Variants in RPS6KA2 observed in about 807,000 individuals in gnomAD.
RPS6KA2 encodes the protein ribosomal protein S6 kinase A2, also known as ribosomal protein S6 kinase alpha-2.
A neutral mutation model predicts 91.8 loss-of-function variants in RPS6KA2; 42 were observed. The ratio of observed to expected loss-of-function variants is 0.46; its 90% CI spans 0.36 to 0.59. RPS6KA2 has a LOEUF of 0.59. RPS6KA2 is among the 20% of genes least tolerant of loss of function. The pLI is 0.00. For missense variants in RPS6KA2, 798 were observed against 978.5 expected (o/e 0.82, Z 2.46); for synonymous variants, 414 against 393.6 (o/e 1.05, Z -0.61).
At chr6:166,661,171 G>A (rs562527811) in intron 2 of RPS6KA2, among the ~76,000 whole-genome samples, 35 of 152,156 alleles carry the variant, frequency 2.3e-4, no homozygotes, top group African/African-American at 8.2e-4. Context: ...TGCGATCTCA[G>A]CTCACTACAA....
intron 2 of RPS6KA2, among the ~76,000 whole-genome samples, chr6:166,689,577 G>T (rs1451158802): frequency 6.6e-6 from 1 of 152,244 alleles, no homozygotes; most frequent in Non-Finnish European, 1.5e-5. Context: ...ATTCGTAGGT[G>T]TTGGGCTCTG....
rs76940611 is a variant in RPS6KA2, at chr6:166,783,921, G to A, written c.123+74279C>T. 2.7e-3 allele frequency among the ~76,000 whole-genome samples: 93 copies of A among 34,598 alleles called. 3 individuals are homozygous for A. Among genetic ancestry groups the A allele is most frequent in the African/African-American group, 0.02 (80 of 4,038 alleles). The allele number at this position is 34,598 out of a possible 152,430, so 22.7% of individuals were successfully genotyped here. On this transcript the variant is annotated intron_variant, in intron 2 of 21. Coordinates refer to the RPS6KA2 transcript ENST00000503859. ...TGCACACCTACGCATCACCACATAT[G>A]CACACGTGCACACCTACGCATCACC...
intron 2 of RPS6KA2, among the ~76,000 whole-genome samples, chr6:166,748,622 ACCTCCTCAGGCCCCCATCCCC>A (rs1402064598): frequency 1.2e-4 from 5 of 40,302 alleles, no homozygotes; most frequent in African/African-American, 6.1e-4. Context: ...CTGGGCCCCC[ACCTCCTCAGGCCCCCATCCCC>A]TTGGGCCCCC....
Position 166,830,950 on chromosome 6 carries a change from G to A in RPS6KA2, c.123+27250C>T, listed in dbSNP as rs117085882. ...CCATTAGGCACTCTGGCCAGACCCA[G>A]GCTCTCCCTTGGGCTGGGTCACACG... On this transcript the variant is annotated intron_variant, in intron 2 of 21. Coordinates refer to the RPS6KA2 transcript ENST00000503859. Among the ~76,000 whole-genome samples, 1,183 of 152,306 alleles carry A rather than the reference G, an allele frequency of 7.8e-3. 7 individuals are homozygous for A. Among genetic ancestry groups the A allele is most frequent in the Non-Finnish European group, 0.011 (717 of 68,014 alleles).
chr6:166,840,477 G>A (rs1016977057), intron 2 of RPS6KA2, among the ~76,000 whole-genome samples: 2 of 152,124 alleles, frequency 1.3e-5, no homozygotes, highest in African/African-American at 4.8e-5. Context: ...TTGGGGAGCT[G>A]GTTTTCAAAT....
At chr6:166,503,290 C>CACATGG (rs60654353) in intron 6 of RPS6KA2, among the ~76,000 whole-genome samples, 4,603 of 152,328 alleles carry the variant, frequency 0.03, 231 homozygotes, top group African/African-American at 0.1. Context: ...GATCATCAAG[C>CACATGG]ACATGGGCAA....
intron 2 of RPS6KA2, among the ~76,000 whole-genome samples, chr6:166,693,671 A>G (rs1016081557): frequency 1.3e-5 from 2 of 152,190 alleles, no homozygotes; most frequent in Admixed American, 6.5e-5. Context: ...GCAATTTAAC[A>G]TGATGTCGTT....
chr6:166,448,948 C>T lies in RPS6KA2; in HGVS notation c.1207-99G>A. The stretch of plus-strand genomic sequence containing the variant: ...AATGTGGGGCGAAGAGAGGCACCGA[C>T]TGTGAACTGAGTGTGTGGAGGCCTG... On this transcript the variant is annotated intron_variant, in intron 13 of 20. Coordinates refer to ENST00000265678, the MANE Select transcript of RPS6KA2 (RefSeq NM_021135.6). The surrounding 1 kb of genome is among the most constrained non-coding windows in gnomAD (Gnocchi z 4.7). 7.0e-7 allele frequency: 1 copy of T among 1,436,890 alleles called. No homozygotes were observed. The highest frequency in any genetic ancestry group is 9.6e-7 in the Non-Finnish European group (1 of 1,043,752). The allele number at this position is 1,436,890 out of a possible 1,614,324, so 89.0% of individuals were successfully genotyped here. A position where few individuals can be genotyped will look rare whatever the true frequency, so the allele number is the denominator to read the frequency against.
chr6:166,734,521 G>A (rs1296323835), intron 2 of RPS6KA2, among the ~76,000 whole-genome samples: 2 of 152,196 alleles, frequency 1.3e-5, no homozygotes, highest in African/African-American at 4.8e-5. Context: ...GCTGATATTG[G>A]TGAAGTAATT....
intron 2 of RPS6KA2, among the ~76,000 whole-genome samples, chr6:166,748,592 T>G (rs192398982): frequency 9.3e-5 from 2 of 21,606 alleles, no homozygotes; most frequent in South Asian, 2.0e-3. Flanking sequence ...GGGCCCCCAT[T>G]TCCTCAGGCC....
intron 19 of RPS6KA2, among the ~76,000 whole-genome samples, chr6:166,414,900 TCTAAAAATA>T (rs1226365351): frequency 6.6e-6 from 1 of 152,050 alleles, no homozygotes; most frequent in East Asian, 1.9e-4. Context: ...CCCCGTCTCT[TCTAAAAATA>T]CAAAAATGAG....
intron 13 of RPS6KA2, among the ~76,000 whole-genome samples, chr6:166,449,635 C>G (rs1400492380): frequency 1.3e-5 from 2 of 152,150 alleles, no homozygotes; most frequent in Non-Finnish European, 2.9e-5. Flanking sequence ...GGGCTCCACA[C>G]AGTGAAGATG....
chr6:166,782,836 G>C (rs138263532), intron 2 of RPS6KA2, among the ~76,000 whole-genome samples: 1 of 152,016 alleles, frequency 6.6e-6, no homozygotes, highest in Admixed American at 6.6e-5. Flanking sequence ...AAATGCACTC[G>C]TCAGTTCTAA....
intron 10 of RPS6KA2, chr6:166,475,798 G>A (rs770923783): frequency 9.4e-6 from 5 of 532,994 alleles, no homozygotes; most frequent in South Asian, 1.4e-5. Context: ...AAGCCTAGGA[G>A]CCTGGAGCAA....
intron 2 of RPS6KA2, among the ~76,000 whole-genome samples, chr6:166,850,583 AAG>A (rs1450793632): frequency 3.3e-5 from 5 of 152,190 alleles, no homozygotes; most frequent in African/African-American, 1.2e-4. Context: ...AGATTTTGGA[AAG>A]AGAGGAGAAA....
At chr6:166,514,382 T>C (rs1180013510) in intron 3 of RPS6KA2, among the ~76,000 whole-genome samples, 1 of 152,148 alleles carries the variant, frequency 6.6e-6, no homozygotes, top group Admixed American at 6.5e-5. Flanking sequence ...GGGGGACCTG[T>C]GCATGCTGGG....
At chr6:166,682,299 T>C (rs957604452) in intron 2 of RPS6KA2, among the ~76,000 whole-genome samples, 5 of 152,172 alleles carry the variant, frequency 3.3e-5, no homozygotes, top group Non-Finnish European at 5.9e-5. Flanking sequence ...AATAAAACAT[T>C]GGTATTGAGG....
intron 2 of RPS6KA2, chr6:166,701,886 A>G (rs1052402952): frequency 2.0e-5 from 21 of 1,052,112 alleles, no homozygotes; most frequent in Admixed American, 5.4e-5. Flanking sequence ...AGTTCCTGCA[A>G]TGGAGATATC....
intron 2 of RPS6KA2, among the ~76,000 whole-genome samples, chr6:166,655,712 A>G (rs1787981612): frequency 6.6e-6 from 1 of 152,256 alleles, no homozygotes; most frequent in African/African-American, 2.4e-5. Context: ...GTAAGATCTT[A>G]CTGACTATAA....
Sources: allele counts gnomAD v4.1 joint callset (sites outside exome capture counted in the v4.1 genomes callset), GRCh38; gene constraint gnomAD v4.1.1; non-coding constraint Gnocchi (gnomAD v3.1); transcripts MANE v1.5; gene names NCBI Gene and HGNC (gene_info 2026-07-23, HGNC 2026-07-21).